ATP10B: variants seen among roughly 807,000 people sequenced by gnomAD.
ATP10B encodes the protein phospholipid-transporting ATPase VB.
Under a neutral mutation model 141.2 loss-of-function variants are expected in ATP10B, and 122 were observed. The ratio of observed to expected loss-of-function variants is 0.86; its 90% CI spans 0.75 to 1.00. The LOEUF is 1.00. Ranked by LOEUF, ATP10B falls within the 50% of genes least tolerant of loss-of-function variation. The pLI is 0.00. For synonymous variants in ATP10B, 685 were observed against 692.0 expected, an observed-to-expected ratio of 0.99 and a Z score of 0.16; for missense variants, 1,876 against 1,825.3, an observed-to-expected ratio of 1.03 and a Z score of -0.51.
intron 6 of ATP10B, among the ~76,000 whole-genome samples, chr5:160,674,582 A>C (rs1762912428): frequency 6.6e-6 from 1 of 152,180 alleles, no homozygotes; most frequent in Non-Finnish European, 1.5e-5. Context: ...TCTCTTCCTT[A>C]GGATCGCATG....
At chr5:160,571,890 CTT>C (rs1754896775) in intron 24 of ATP10B, among the ~76,000 whole-genome samples, 1 of 152,170 alleles carries the variant, frequency 6.6e-6, no homozygotes, top group Non-Finnish European at 1.5e-5. Flanking sequence ...GGAAAAAAAT[CTT>C]TGCAGTCCCA....
chr5:160,569,361 C>T (rs1754733138), intron 25 of ATP10B, 135 bp downstream of exon 25: 2 of 862,500 alleles, frequency 2.3e-6, no homozygotes, highest in Non-Finnish European at 3.6e-6. Flanking sequence ...TCTTTCTGTC[C>T]CATCTCTCTG....
the ATP10B span, among the ~76,000 whole-genome samples, chr5:160,865,883 A>T: frequency 6.6e-6 from 1 of 152,106 alleles, no homozygotes; most frequent in Non-Finnish European, 1.5e-5. Context: ...ACTCCTGCAC[A>T]AATGGCCATA....
chr5:160,653,378 ATAGG>A (rs1452273978), intron 7 of ATP10B, among the ~76,000 whole-genome samples: 15 of 56,912 alleles, frequency 2.6e-4, no homozygotes, highest in African/African-American at 8.8e-4. Flanking sequence ...ACATACATAC[ATAGG>A]TAGTATATAT....
Position 160,617,797 on chromosome 5 carries a change from G to C in ATP10B, c.2526+67C>G, listed in dbSNP as rs578195306. 7.7e-5 allele frequency: 102 copies of C among 1,330,110 alleles called. 3 individuals carry two copies. The highest frequency in any genetic ancestry group is 4.2e-4 in the East Asian group (18 of 43,196). 82.4% of individuals were successfully genotyped at this position (1,330,110 alleles called of 1,614,324 possible). ...TCTAAGGGTCTTTTATAAAGAAAAA[G>C]AAGCAGGGTCAAGGCCATTCAGCTA... On this transcript the variant is annotated intron_variant, in intron 16 of 25. Transcript: ENST00000327245.
chr5:160,802,618 A>T (rs187779473), intron 1 of ATP10B, among the ~76,000 whole-genome samples: 2 of 152,354 alleles, frequency 1.3e-5, no homozygotes, highest in African/African-American at 4.8e-5. Context: ...AATGCATGGT[A>T]AGGGACACTG....
the ATP10B span, among the ~76,000 whole-genome samples, chr5:160,902,977 G>A: frequency 6.6e-6 from 1 of 152,202 alleles, no homozygotes; most frequent in Non-Finnish European, 1.5e-5. Context: ...CTGCTAGGAG[G>A]ATCTGTGGAT....
At chr5:160,882,070 A>G in the ATP10B span, among the ~76,000 whole-genome samples, 2 of 152,162 alleles carry the variant, frequency 1.3e-5, no homozygotes, top group Non-Finnish European at 2.9e-5. Context: ...AGACAATAAA[A>G]TATCAGTGGT....
At chr5:160,625,267 T>C (rs906829911) in intron 13 of ATP10B, among the ~76,000 whole-genome samples, 4 of 152,204 alleles carry the variant, frequency 2.6e-5, no homozygotes, top group African/African-American at 9.6e-5. Context: ...GAAGTGGCCT[T>C]TGAGACTTGC....
At chr5:160,830,349 G>A (rs947259649) in intron 1 of ATP10B, among the ~76,000 whole-genome samples, 8 of 152,032 alleles carry the variant, frequency 5.3e-5, no homozygotes, top group African/African-American at 1.9e-4. Context: ...TTTAATTGCT[G>A]TGTGTTTGTA....
intron 2 of ATP10B, among the ~76,000 whole-genome samples, chr5:160,761,976 A>G (rs1417725650): frequency 1.3e-5 from 2 of 152,142 alleles, no homozygotes; most frequent in East Asian, 3.8e-4. Context: ...AGAAGAAAAA[A>G]CTTCAGAGCT....
chr5:160,785,230 C>G (rs11135121), intron 2 of ATP10B, among the ~76,000 whole-genome samples: 1 of 151,858 alleles, frequency 6.6e-6, no homozygotes, highest in Non-Finnish European at 1.5e-5. Context: ...TTGTTATTTA[C>G]GCCACCTTGA....
chr5:160,806,931 C>G (rs1772815675), intron 1 of ATP10B, among the ~76,000 whole-genome samples: 1 of 152,046 alleles, frequency 6.6e-6, no homozygotes, highest in South Asian at 2.1e-4. Flanking sequence ...GGGAAATTTC[C>G]TTCATGTAGG....
At position 160,844,454 on chromosome 5, in the gene ATP10B, C is replaced by T. The variant is rs185038916; in HGVS notation, c.-576+7487G>A. Among the ~76,000 whole-genome samples, 20 of 152,110 alleles carry T rather than the reference C, an allele frequency of 1.3e-4. No individual in the cohort carries two copies. The East Asian group carries it at 2.7e-3, about 21-fold the overall frequency. The stretch of plus-strand genomic sequence containing the variant: ...CAAACTTTCTTAGCTCCCTTAGTGT[C>T]GTAGGAATTTTTTCACAGGTGCCAC... On this transcript the variant is annotated intron_variant, in intron 1 of 25. Coordinates refer to ENST00000327245, the MANE Select transcript of ATP10B (RefSeq NM_025153.3).
intron 1 of ATP10B, among the ~76,000 whole-genome samples, chr5:160,797,322 G>C (rs1049650643): frequency 6.6e-6 from 1 of 152,138 alleles, no homozygotes; most frequent in Admixed American, 6.6e-5. Flanking sequence ...ATCAGTACCA[G>C]CTCCCCTTTT....
In ATP10B at chr5:160,589,706, A is replaced by C; in HGVS notation, c.3646-10T>G. ...CAGAGCCCTTATAGGCCTGCAGAGG[A>C]GGAACAGACAGGCATTGTCAGGTAT... On this transcript the variant is annotated splice_polypyrimidine_tract_variant and intron_variant, in intron 23 of 25. Coordinates refer to ENST00000327245, the MANE Select transcript of ATP10B (RefSeq NM_025153.3). 6.3e-7 allele frequency: 1 copy of C among 1,590,482 alleles called. No homozygotes were observed. Among genetic ancestry groups the C allele is most frequent in the South Asian group, 1.1e-5 (1 of 90,610 alleles).
intron 4 of ATP10B, among the ~76,000 whole-genome samples, chr5:160,688,510 A>ACAGCAT (rs1763898185): frequency 1.3e-5 from 2 of 152,308 alleles, no homozygotes; most frequent in African/African-American, 4.8e-5. Context: ...GCAGGTCAGA[A>ACAGCAT]GACTAGCTCT....
intron 2 of ATP10B, 82 bp from the exon 3 acceptor site, chr5:160,717,116 C>G: frequency 1.1e-6 from 1 of 875,074 alleles, no homozygotes; most frequent in Non-Finnish European, 1.4e-6. Context: ...TAAAACAATG[C>G]TACATATTCT....
At chr5:160,837,803 C>T (rs1444637724) in intron 1 of ATP10B, among the ~76,000 whole-genome samples, 1 of 152,098 alleles carries the variant, frequency 6.6e-6, no homozygotes, top group Non-Finnish European at 1.5e-5. Flanking sequence ...CATGATCCAT[C>T]CTCCACCCCA....
Sources: gnomAD v4.1 joint callset for allele counts (sites outside exome capture counted in the v4.1 genomes callset) on GRCh38, gnomAD v4.1.1 for gene constraint, MANE v1.5 for transcripts, NCBI Gene and HGNC (gene_info 2026-07-23, HGNC 2026-07-21) for gene names.